Variants in CCDC141 observed in about 807,000 individuals in gnomAD.
CCDC141 encodes coiled-coil domain containing 141.
Under a neutral mutation model 181.0 loss-of-function variants are expected in CCDC141, and 168 were observed. The observed-to-expected ratio is 0.93, with a 90% CI of 0.82 to 1.05. CCDC141 has a LOEUF of 1.05. CCDC141 is among the 50% of genes least tolerant of loss of function. The pLI is 0.00. For synonymous variants in CCDC141, 666 were observed against 642.3 expected (o/e 1.04, Z -0.56); for missense variants, 1,902 against 1,788.5 (o/e 1.06, Z -1.14).
chr2:178,989,829 T>TAAAA (rs71023463), intron 2 of CCDC141, among the ~76,000 whole-genome samples: 4 of 81,390 alleles, frequency 4.9e-5, no homozygotes, highest in Non-Finnish European at 7.1e-5. Context: ...GCTATAATCT[T>TAAAA]AAAAAAAAAA....
At chr2:178,992,699 C>T (rs938043234) in intron 2 of CCDC141, among the ~76,000 whole-genome samples, 1 of 152,010 alleles carries the variant, frequency 6.6e-6, no homozygotes, top group African/African-American at 2.4e-5. Flanking sequence ...ATAGGGGTTG[C>T]ATCGTGATAT....
intron 8 of CCDC141, among the ~76,000 whole-genome samples, chr2:178,889,662 A>C (rs1186438101): frequency 2.0e-5 from 3 of 152,182 alleles, no homozygotes; most frequent in Non-Finnish European, 4.4e-5. Flanking sequence ...GAGGTAAAGT[A>C]ACCTCACTGG....
intron 22 of CCDC141, among the ~76,000 whole-genome samples, chr2:178,844,842 T>G (rs1448108020): frequency 6.6e-6 from 1 of 152,232 alleles, no homozygotes; most frequent in African/African-American, 2.4e-5. Flanking sequence ...CTTTGATTGT[T>G]CCTTCAGCTC....
chr2:178,869,143 C>G lies in CCDC141; in HGVS notation c.2368G>C (p.Val790Leu), dbSNP rs372596782. The change falls in exon 15 of 24, where the codon GTC becomes CTC. Residue 790 changes from valine (V) to leucine (L), a missense_variant. By Grantham distance (32) the Val-to-Leu change is conservative (BLOSUM62 1). Coordinates refer to ENST00000443758, the MANE Select transcript of CCDC141 (RefSeq NM_173648.4). Reference protein sequence around the residue: ...QDYEDILYKVVQFHQVKEELG... With the variant: ...QDYEDILYKVLQFHQVKEELG... ...TCTTCCTTGACTTGATGGAACTGGA[C>G]CACCTTGTACAGGATATCCTCGTAA... 3.9e-5 allele frequency: 62 copies of G among 1,603,160 alleles called. No homozygotes were observed. In the African/African-American group the frequency reaches 6.2e-4, roughly 16 times the overall value.
At chr2:178,854,147 A>G (rs1323254156) in intron 19 of CCDC141, among the ~76,000 whole-genome samples, 1 of 152,266 alleles carries the variant, frequency 6.6e-6, no homozygotes, top group East Asian at 1.9e-4. Context: ...GGAAAATATC[A>G]TCTAACAAAT....
intron 22 of CCDC141, among the ~76,000 whole-genome samples, chr2:178,842,421 A>C: frequency 1.3e-5 from 2 of 152,308 alleles, no homozygotes. Flanking sequence ...ATTAATACTA[A>C]ATCTATTAGC....
Position 178,868,093 on chromosome 2 carries a change from C to G in CCDC141, c.2507G>C (p.Arg836Pro). ...GGCCAGTCTGTGGAGATGGTCTACA[C>G]GGGCTTGCTTTTCCTGAGAGCACCG... The part of the protein sequence containing the change: ...HLRCSQEKQA[R>P]VDHLHRLALS... Residue 836 changes from arginine to proline, a missense_variant, in exon 16 of 24, where the codon CGT becomes CCT. By Grantham distance (103) the Arg-to-Pro change is moderately radical. Transcript: ENST00000443758. 3.7e-6 allele frequency: 6 copies of G among 1,614,032 alleles called. No individual in the cohort carries two copies. Among genetic ancestry groups the G allele is most frequent in the Non-Finnish European group, 5.1e-6 (6 of 1,179,942 alleles).
At chr2:178,980,759 T>G (rs961484821) in intron 2 of CCDC141, among the ~76,000 whole-genome samples, 1 of 152,210 alleles carries the variant, frequency 6.6e-6, no homozygotes, top group African/African-American at 2.4e-5. Context: ...GATATGTCAA[T>G]TAGCTCAATT....
chr2:179,033,904 T>C (rs2043066739), intron 2 of CCDC141, among the ~76,000 whole-genome samples: 1 of 152,200 alleles, frequency 6.6e-6, no homozygotes, highest in Admixed American at 6.6e-5. Flanking sequence ...TCTGAATTTA[T>C]CTATGTCACA....
At chr2:178,988,909 T>C (rs147431918) in intron 2 of CCDC141, among the ~76,000 whole-genome samples, 309 of 152,270 alleles carry the variant, frequency 2.0e-3, no homozygotes, top group Middle Eastern at 3.4e-3. Flanking sequence ...TAGGAAAGAA[T>C]AGTCTCAAAC....
chr2:178,984,432 A>G (rs1691607863), intron 2 of CCDC141, among the ~76,000 whole-genome samples: 1 of 152,100 alleles, frequency 6.6e-6, no homozygotes, highest in Non-Finnish European at 1.5e-5. Flanking sequence ...ACCAGCTAAC[A>G]TCATAATGAC....
At chr2:178,928,059 T>A (rs1236749063) in intron 6 of CCDC141, among the ~76,000 whole-genome samples, 3 of 152,188 alleles carry the variant, frequency 2.0e-5, no homozygotes, top group Non-Finnish European at 4.4e-5. Flanking sequence ...ATAAATTACA[T>A]TTTAAATAGA....
chr2:178,895,246 T>G (rs539670069), intron 8 of CCDC141, among the ~76,000 whole-genome samples: 1 of 152,204 alleles, frequency 6.6e-6, no homozygotes, highest in African/African-American at 2.4e-5. Flanking sequence ...CTATTATAAA[T>G]AGCACTGTGA....
rs191298822 is a variant in CCDC141 at position 178,993,417 on chromosome 2, G to A, written c.226-14742C>T. Among the ~76,000 whole-genome samples the A allele has an allele frequency of 1.1e-4, 17 of 152,212 alleles. No homozygotes were observed. The East Asian group carries it at 1.4e-3, about 12-fold the overall frequency. ...TGCCAGGCAAAGAGGGCTTGTGTAC[G>A]GAAACTCCCATTTTTAAAACCATCA... On this transcript the variant is annotated intron_variant, in intron 2 of 23. Transcript: ENST00000443758.
chr2:179,041,858 A>G (rs1271042431), intron 2 of CCDC141, among the ~76,000 whole-genome samples: 1 of 152,236 alleles, frequency 6.6e-6, no homozygotes, highest in South Asian at 2.1e-4. Flanking sequence ...CAACAAGAAG[A>G]GCTGAATATC....
chr2:178,973,130 C>T (rs1300896183), intron 4 of CCDC141, among the ~76,000 whole-genome samples: 4 of 152,090 alleles, frequency 2.6e-5, no homozygotes, highest in African/African-American at 9.7e-5. Context: ...GAATTTCACC[C>T]TTTAATATGC....
intron 2 of CCDC141, among the ~76,000 whole-genome samples, chr2:178,997,343 G>A (rs573839649): frequency 9.0e-4 from 137 of 152,092 alleles, no homozygotes; most frequent in African/African-American, 3.1e-3. Context: ...TTATTTTATT[G>A]TCCATTGCTG....
chr2:178,848,992 C>A (rs1685054332), intron 21 of CCDC141, among the ~76,000 whole-genome samples: 1 of 152,006 alleles, frequency 6.6e-6, no homozygotes, highest in South Asian at 2.1e-4. Context: ...CGAAGATGTT[C>A]ATTGTAGTGT....
chr2:178,899,697 G>C (rs1233224909), intron 8 of CCDC141, among the ~76,000 whole-genome samples: 3 of 152,136 alleles, frequency 2.0e-5, no homozygotes, highest in Non-Finnish European at 4.4e-5. Flanking sequence ...CTGGCACTCA[G>C]AAGTCTCAGA....
Sources: gnomAD v4.1 joint callset for allele counts (sites outside exome capture counted in the v4.1 genomes callset) on GRCh38, gnomAD v4.1.1 for gene constraint, MANE v1.5 for transcripts, NCBI Gene and HGNC (gene_info 2026-07-23, HGNC 2026-07-21) for gene names.